The following TRPM3 variants were observed in gnomAD, a reference collection of about 807,000 sequenced individuals.
The protein encoded by TRPM3 is long transient receptor potential channel 3.
TRPM3 carries 77 observed loss-of-function variants against 181.2 expected under a neutral mutation model. That is an observed-to-expected ratio of 0.42 (90% confidence interval 0.35 to 0.51). The LOEUF (loss-of-function observed/expected upper bound fraction) is 0.51. TRPM3 is among the 20% of genes least tolerant of loss of function. The pLI is 0.01. For missense variants in TRPM3, 1,759 were observed against 2,196.7 expected, an observed-to-expected ratio of 0.80 and a Z score of 3.98; for synonymous variants, 745 against 796.4, an observed-to-expected ratio of 0.94 and a Z score of 1.09.
chr9:70,700,017 G>C (rs2071894976), intron 8 of TRPM3, among the ~76,000 whole-genome samples: 1 of 152,100 alleles, frequency 6.6e-6, no homozygotes, highest in Non-Finnish European at 1.5e-5. Context: ...GAGTCTCGCT[G>C]TGTTGCCCAG....
intron 8 of TRPM3, among the ~76,000 whole-genome samples, chr9:70,693,552 G>A (rs764162739): frequency 4.6e-5 from 7 of 151,758 alleles, no homozygotes; most frequent in Non-Finnish European, 1.0e-4. Context: ...TTTCATGTTT[G>A]TCAGGACATC....
At chr9:70,601,052 G>A (rs1196538418) in intron 20 of TRPM3, among the ~76,000 whole-genome samples, 8 of 152,132 alleles carry the variant, frequency 5.3e-5, no homozygotes, top group Admixed American at 5.2e-4. Context: ...CATCGTGGGG[G>A]AGTAGAAAGA....
At chr9:71,266,642 C>T (rs2083412316) in intron 1 of TRPM3, among the ~76,000 whole-genome samples, 1 of 151,994 alleles carries the variant, frequency 6.6e-6, no homozygotes, top group South Asian at 2.1e-4. Context: ...CATGAGATAT[C>T]GCTGACAAAA....
At chr9:71,406,006 T>C (rs569656138) in intron 1 of TRPM3, among the ~76,000 whole-genome samples, 4 of 152,294 alleles carry the variant, frequency 2.6e-5, no homozygotes, top group Non-Finnish European at 5.9e-5. Context: ...CTGGGCACGG[T>C]GGCTCACACC....
chr9:70,996,863 T>A (rs2097545625), intron 1 of TRPM3, among the ~76,000 whole-genome samples: 1 of 152,184 alleles, frequency 6.6e-6, no homozygotes, highest in African/African-American at 2.4e-5. Context: ...CAGGTAGATG[T>A]GGGGAACACA....
At chr9:71,444,614 C>A (rs578057454) in intron 1 of TRPM3, among the ~76,000 whole-genome samples, 112 of 152,136 alleles carry the variant, frequency 7.4e-4, no homozygotes, top group Non-Finnish European at 1.4e-3. Flanking sequence ...TAACAGCTCA[C>A]TTTAAGGGAG....
At chr9:71,335,702 G>T (rs1336521558) in intron 1 of TRPM3, among the ~76,000 whole-genome samples, 1 of 152,036 alleles carries the variant, frequency 6.6e-6, no homozygotes, top group Non-Finnish European at 1.5e-5. Flanking sequence ...ATTTCCCACA[G>T]ACTTACCATA....
chr9:70,537,240 G>T lies in TRPM3; in HGVS notation c.3873C>A (p.Asn1291Lys), dbSNP rs781445129. ...CTGACGAGGTCCTCGAGCGGATTTTGTTGGACTCGGCCCGCTCCAGACCTG... is the reference window on the plus strand; with the variant it reads ...CTGACGAGGTCCTCGAGCGGATTTTTTTGGACTCGGCCCGCTCCAGACCTG... ...RLTGLERAES[N>K]KIRSRTSSDC... The change falls in exon 26 of 26, where the codon AAC becomes AAA. Residue 1291 changes from asparagine (N) to lysine (K), a missense_variant. By Grantham distance (94) the Asn-to-Lys change is moderately conservative. Around this residue, in one of 8 missense-constraint regions of TRPM3, gnomAD observed 612 missense variants for 590.0 expected, o/e 1.04. Transcript: ENST00000677713. The T allele has an allele frequency of 6.3e-7, 1 of 1,597,284 alleles. No individual in the cohort carries two copies. The highest frequency in any genetic ancestry group is 1.7e-5 in the Admixed American group (1 of 59,228).
At chr9:71,100,314 A>C (rs2134039965) in intron 1 of TRPM3, among the ~76,000 whole-genome samples, 1 of 152,300 alleles carries the variant, frequency 6.6e-6, no homozygotes, top group South Asian at 2.1e-4. Flanking sequence ...CTAGCAATAA[A>C]GATACAAGCA....
chr9:70,641,162 C>T (rs2058008511), intron 9 of TRPM3, among the ~76,000 whole-genome samples: 1 of 152,182 alleles, frequency 6.6e-6, no homozygotes, highest in African/African-American at 2.4e-5. Flanking sequence ...GCTCTACCGT[C>T]TGGCTAGGCA....
At position 71,298,106 on chromosome 9, in the gene TRPM3, A is replaced by G. The variant is rs1199681141; in HGVS notation, c.183+148547T>C. ...AACTCTGCCACCAGAAAAAAAAAAA[A>G]GTTCCTCTAGTAAACTGAGTCAAAT... On this transcript the variant is annotated intron_variant, in intron 1 of 24. Coordinates refer to the TRPM3 transcript ENST00000357533. 2.0e-5 allele frequency among the ~76,000 whole-genome samples: 3 copies of G among 151,578 alleles called. No individual in the cohort carries two copies. The East Asian group carries it at 5.8e-4, about 29-fold the overall frequency.
Position 70,537,139 on chromosome 9 carries a change from T to C in TRPM3, c.3974A>G (p.Glu1325Gly), listed in dbSNP as rs2041979534. ...SQEGNTFKLQ[E>G]SIDPAGEETM... ...CTCCTCACCTGCAGGGTCTATACTC[T>C]CTTGGAGCTTGAAGGTGTTCCCTTC... Residue 1325 changes from glutamate to glycine, a missense_variant, in exon 26 of 26, where the codon GAG becomes GGG. Transcript: ENST00000677713. 6.3e-7 allele frequency: 1 copy of C among 1,594,394 alleles called. No individual in the cohort carries two copies. The highest frequency in any genetic ancestry group is 8.6e-7 in the Non-Finnish European group (1 of 1,165,258).
At position 70,843,133 on chromosome 9, in the gene TRPM3, A is replaced by G; in HGVS notation, c.677-6T>C. 6.3e-7 allele frequency: 1 copy of G among 1,596,026 alleles called. No individual in the cohort carries two copies. Among genetic ancestry groups the G allele is most frequent in the Non-Finnish European group, 8.5e-7 (1 of 1,175,424 alleles). On this transcript the variant is annotated splice_polypyrimidine_tract_variant and splice_region_variant and intron_variant, in intron 4 of 25. Transcript: ENST00000677713. ...GCCAACATGACGAATAACACCTAAA[A>G]AAAAAAGAGAAGCATTGATTTTTTC...
intron 1 of TRPM3, among the ~76,000 whole-genome samples, chr9:71,070,543 A>C (rs1156744453): frequency 6.6e-6 from 1 of 152,240 alleles, no homozygotes; most frequent in African/African-American, 2.4e-5. Context: ...AAACAACACA[A>C]AATCATAACA....
At chr9:70,597,034 A>G (rs2059142689) in intron 21 of TRPM3, among the ~76,000 whole-genome samples, 1 of 152,104 alleles carries the variant, frequency 6.6e-6, no homozygotes, top group Admixed American at 6.5e-5. Flanking sequence ...CCTGGGTTCA[A>G]GTGATTCTCC....
chr9:70,560,648 TGAA>T lies in TRPM3; in HGVS notation c.3224-7341_3224-7339del, dbSNP rs541092529. Among the ~76,000 whole-genome samples the T allele has an allele frequency of 1.8e-4, 27 of 152,338 alleles. 1 individual carries two copies. In the East Asian group the frequency reaches 5.2e-3, roughly 29 times the overall value. ...ACAAATTCCCTTTCCTTGGTGCCTC[TGAA>T]GAAGGAGCCAACGTGGGATTGAGAG... On this transcript the variant is annotated intron_variant, in intron 22 of 25. Coordinates refer to ENST00000677713, the MANE Select transcript of TRPM3 (RefSeq NM_001366145.2).
chr9:71,339,160 T>G (rs145089466), intron 1 of TRPM3, among the ~76,000 whole-genome samples: 1 of 151,932 alleles, frequency 6.6e-6, no homozygotes, highest in Non-Finnish European at 1.5e-5. Context: ...ATGAACAAAA[T>G]TATAAAAATA....
At chr9:70,656,068 G>A (rs760785501) in intron 9 of TRPM3, among the ~76,000 whole-genome samples, 28 of 152,160 alleles carry the variant, frequency 1.8e-4, no homozygotes, top group African/African-American at 3.1e-4. Context: ...TCAAGTTTAC[G>A]TAACTTAAGC....
chr9:70,817,275 C>T (rs55905211), intron 6 of TRPM3, among the ~76,000 whole-genome samples: 37,826 of 152,090 alleles, frequency 0.25, 5,842 homozygotes, highest in African/African-American at 0.43. Context: ...ACTGTGCCTT[C>T]GAAAGGAAGG....
Sources: gnomAD v4.1 joint callset for allele counts (sites outside exome capture counted in the v4.1 genomes callset) on GRCh38, gnomAD v4.1.1 for gene constraint, gnomAD v4.1.1 regional missense constraint, MANE v1.5 for transcripts, NCBI Gene and HGNC (gene_info 2026-07-23, HGNC 2026-07-21) for gene names.